NCAPG2: variants seen among roughly 807,000 people sequenced by gnomAD.
The protein encoded by NCAPG2 is condensin-2 complex subunit G2.
NCAPG2 carries 53 observed loss-of-function variants against 141.1 expected under a neutral mutation model. That is an observed-to-expected ratio of 0.38 (90% CI 0.30 to 0.47). The LOEUF is 0.47. Among genes scored for constraint, NCAPG2 ranks in the 20% least tolerant of loss-of-function variants. The pLI, the probability that NCAPG2 is intolerant of heterozygous loss-of-function variation, is 0.99. For missense variants in NCAPG2, 1,087 were observed against 1,389.0 expected (o/e 0.78, Z 3.46); for synonymous variants, 499 against 490.7 (o/e 1.02, Z -0.22).
intron 6 of NCAPG2, among the ~76,000 whole-genome samples, chr7:158,688,173 A>C (rs1834890005): frequency 2.6e-5 from 1 of 38,288 alleles, no homozygotes; most frequent in Non-Finnish European, 5.7e-5. Flanking sequence ...CACAACAGGC[A>C]AGTTAAAAAA....
intron 27 of NCAPG2, among the ~76,000 whole-genome samples, chr7:158,637,410 C>A (rs1011435109): frequency 6.5e-5 from 6 of 93,014 alleles, no homozygotes; most frequent in Non-Finnish European, 1.4e-4. Context: ...TGGAAGGTCA[C>A]TGGGGAAGGA....
At chr7:158,654,102 T>C (rs1006388763) in intron 22 of NCAPG2, among the ~76,000 whole-genome samples, 82 of 152,236 alleles carry the variant, frequency 5.4e-4, no homozygotes, top group African/African-American at 1.9e-3. Flanking sequence ...TTTCCCGTCA[T>C]CATCTGATGT....
Position 158,671,059 on chromosome 7 carries a change from T to C in NCAPG2, c.1479+455A>G, listed in dbSNP as rs563815263. On this transcript the variant is annotated intron_variant, in intron 13 of 27. Coordinates refer to ENST00000356309, the MANE Select transcript of NCAPG2 (RefSeq NM_017760.7). ...ACGCACATCTCTCATAAAGTGGGTG[T>C]CTCCCTCCTTCACTCTGTGTGGGGC... Among the ~76,000 whole-genome samples, 24 of 125,970 alleles carry C rather than the reference T, an allele frequency of 1.9e-4. No individual in the cohort carries two copies. The South Asian group carries it at 6.0e-3, about 32-fold the overall frequency. The allele number at this position is 125,970 out of a possible 152,430, so 82.6% of individuals were successfully genotyped here.
At chr7:158,637,566 C>G (rs1830356750) in intron 27 of NCAPG2, among the ~76,000 whole-genome samples, 1 of 152,280 alleles carries the variant, frequency 6.6e-6, no homozygotes, top group Non-Finnish European at 1.5e-5. Context: ...AGTAGGCTTT[C>G]CAGCTCCGGC....
intron 27 of NCAPG2, among the ~76,000 whole-genome samples, chr7:158,635,587 T>C (rs1041237474): frequency 7.2e-5 from 11 of 152,226 alleles, no homozygotes; most frequent in African/African-American, 2.7e-4. Context: ...AAATTTAACA[T>C]ACTTGACATT....
chr7:158,693,360 T>G lies in NCAPG2; in HGVS notation c.216A>C (p.Val72=). 1 of 1,614,152 alleles carries G rather than the reference T, an allele frequency of 6.2e-7. No homozygotes were observed. Among genetic ancestry groups the G allele is most frequent in the Non-Finnish European group, 8.5e-7 (1 of 1,180,008 alleles). ...LLESPVDGWQ[V]VEAQGEDNME... Reference sequence around the variant, plus strand: ...TATTGTCTTCACCCTGGGCTTCCACTACCTGCCACCCATCCACTGGGCTTT... The same window carrying G: ...TATTGTCTTCACCCTGGGCTTCCACGACCTGCCACCCATCCACTGGGCTTT... The change falls in exon 3 of 28, where the codon GTA becomes GTC. Residue 72 remains valine (V), a synonymous_variant. Coordinates refer to ENST00000356309, the MANE Select transcript of NCAPG2 (RefSeq NM_017760.7).
chr7:158,634,671 A>C (rs116273592), intron 27 of NCAPG2, among the ~76,000 whole-genome samples: 3,465 of 152,304 alleles, frequency 0.023, 115 homozygotes, highest in African/African-American at 0.079. Context: ...AAAGTGGTAA[A>C]GCAAACTGCC....
intron 7 of NCAPG2, 26 bp from the exon 8 acceptor site, chr7:158,686,267 T>C (rs781441574): frequency 7.6e-7 from 1 of 1,316,972 alleles, no homozygotes; most frequent in South Asian, 1.4e-5. Flanking sequence ...AAAATAGTTT[T>C]AATGCAAATT....
intron 27 of NCAPG2, 152 bp downstream of exon 27, chr7:158,644,137 G>T (rs1432535535): frequency 3.4e-6 from 2 of 585,612 alleles, no homozygotes; most frequent in East Asian, 2.7e-5. Flanking sequence ...TAAGCTAAAG[G>T]TCTTTGCCAA....
chr7:158,650,732 A>G (rs1184823719), intron 24 of NCAPG2, 100 bp downstream of exon 24: 2 of 1,418,652 alleles, frequency 1.4e-6, no homozygotes, highest in Non-Finnish European at 1.9e-6. Context: ...GAAAATTCTT[A>G]AAAAATACTT....
chr7:158,647,000 G>C (rs1469250505), intron 24 of NCAPG2, among the ~76,000 whole-genome samples: 1 of 151,582 alleles, frequency 6.6e-6, no homozygotes, highest in Non-Finnish European at 1.5e-5. Context: ...ACTCCAGCCT[G>C]GGTGACAGAG....
intron 16 of NCAPG2, among the ~76,000 whole-genome samples, chr7:158,659,985 G>C (rs1016238150): frequency 3.1e-4 from 47 of 151,862 alleles, no homozygotes; most frequent in Admixed American, 5.2e-4. Context: ...GGTGGCAGGC[G>C]CCTGTAGTCC....
At chr7:158,669,751 AGAGC>A (rs1249748268) in intron 13 of NCAPG2, among the ~76,000 whole-genome samples, 24 of 134,812 alleles carry the variant, frequency 1.8e-4, no homozygotes, top group Non-Finnish European at 3.1e-4. Flanking sequence ...CCTGGGTGAC[AGAGC>A]GAGACTCTGT....
intron 22 of NCAPG2, among the ~76,000 whole-genome samples, chr7:158,653,092 G>A (rs1055038290): frequency 6.6e-6 from 1 of 152,142 alleles, no homozygotes; most frequent in South Asian, 2.1e-4. Flanking sequence ...AAACAGGCTG[G>A]GTATGGTGGC....
At position 158,659,344 on chromosome 7, in the gene NCAPG2, A is replaced by AG. The variant is rs1308961512; in HGVS notation, c.1990-937_1990-936insC. Among the ~76,000 whole-genome samples, 277 of 151,396 alleles carry AG rather than the reference A, an allele frequency of 1.8e-3. 2 individuals are homozygous for AG. Among genetic ancestry groups the AG allele is most frequent in the Middle Eastern group, 6.8e-3 (2 of 292 alleles). On this transcript the variant is annotated intron_variant, in intron 16 of 27. Transcript: ENST00000356309. ...GACTCCATCTCAAAAAAAAAAAAAA[A>AG]AAGAAGAAAAAAAAAAGTAAGCTTT...
At chr7:158,631,856 CATTA>C (rs1238701712) in intron 27 of NCAPG2, 139 bp from the exon 28 acceptor site, 8 of 696,286 alleles carry the variant, frequency 1.1e-5, no homozygotes, top group Non-Finnish European at 1.9e-5. Flanking sequence ...ATAGATGTTT[CATTA>C]ATTGTTTCTT....
chr7:158,697,236 T>A (rs1316246495), intron 2 of NCAPG2, among the ~76,000 whole-genome samples: 1 of 152,222 alleles, frequency 6.6e-6, no homozygotes, highest in African/African-American at 2.4e-5. Flanking sequence ...GTGATACTGA[T>A]GATCCTGACT....
intron 26 of NCAPG2, among the ~76,000 whole-genome samples, chr7:158,644,787 C>T (rs1830887314): frequency 1.3e-5 from 2 of 152,258 alleles, no homozygotes; most frequent in South Asian, 2.1e-4. Context: ...GCAGGGGAGT[C>T]CCTGAGGGAA....
At chr7:158,642,106 C>T (rs899511008) in intron 27 of NCAPG2, among the ~76,000 whole-genome samples, 4 of 152,026 alleles carry the variant, frequency 2.6e-5, no homozygotes, top group African/African-American at 9.7e-5. Flanking sequence ...GGAAAAATCC[C>T]CAAACACTTG....
Sources: gnomAD v4.1 joint callset for allele counts (sites outside exome capture counted in the v4.1 genomes callset) on GRCh38, gnomAD v4.1.1 for gene constraint, MANE v1.5 for transcripts, NCBI Gene and HGNC (gene_info 2026-07-23, HGNC 2026-07-21) for gene names.